Variants in THRB observed in about 807,000 individuals in gnomAD.
The protein encoded by THRB is thyroid hormone receptor beta, also known as nuclear receptor subfamily 1 group A member 2.
In THRB, 12 loss-of-function variants were observed where a neutral mutation model predicts 47.8. The ratio of observed to expected loss-of-function variants is 0.25; its 90% CI spans 0.16 to 0.41. THRB has a LOEUF of 0.41. THRB is among the 10% of genes least tolerant of loss of function. THRB has a pLI of 1.00. For synonymous variants in THRB, 218 were observed against 212.2 expected (o/e 1.03, Z -0.24); for missense variants, 348 against 589.2 (o/e 0.59, Z 4.24).
intron 1 of THRB, among the ~76,000 whole-genome samples, chr3:24,438,985 G>C (rs1164820419): frequency 6.6e-6 from 1 of 152,132 alleles, no homozygotes; most frequent in Non-Finnish European, 1.5e-5. Context: ...GGGAGGGCAG[G>C]GGAAAAGACA....
rs1196595789 is a variant in THRB at position 24,121,179 on chromosome 3, G to C, written c.*1705C>G. Reference sequence around the variant, plus strand: ...TTCAGACAATATTAAGGGCAGGAAGGGTTTTAGAGATCATGACTTATTCAC... The same window carrying C: ...TTCAGACAATATTAAGGGCAGGAAGCGTTTTAGAGATCATGACTTATTCAC... On this transcript the variant is annotated 3_prime_UTR_variant, in exon 11 of 11. Coordinates refer to ENST00000646209, the MANE Select transcript of THRB (RefSeq NM_001354712.2). The C allele has an allele frequency of 6.6e-6, 1 of 152,186 alleles. No individual in the cohort carries two copies. The highest frequency in any genetic ancestry group is 1.5e-5 in the Non-Finnish European group (1 of 68,000). 9.4% of individuals were successfully genotyped at this position (152,186 alleles called of 1,614,324 possible).
rs115423679 is a variant in THRB, at chr3:24,241,915, C to A, written c.-42-12914G>T. On this transcript the variant is annotated intron_variant, in intron 3 of 10. Coordinates refer to ENST00000646209, the MANE Select transcript of THRB (RefSeq NM_001354712.2). ...TTTATAGTATTGGTGCACTCCCCTG[C>A]CCATCGCCACAAATTAGAAGGTCTT... is the stretch of plus-strand genomic sequence containing the variant. Among the ~76,000 whole-genome samples the A allele has an allele frequency of 3.9e-3, 599 of 152,206 alleles. 2 individuals are homozygous for A. Among genetic ancestry groups the A allele is most frequent in the African/African-American group, 0.014 (563 of 41,532 alleles).
At position 24,305,557 on chromosome 3, in the gene THRB, G is replaced by A. The variant is rs185789600; in HGVS notation, c.-188-8186C>T. Among the ~76,000 whole-genome samples, 9 of 152,214 alleles carry A rather than the reference G, an allele frequency of 5.9e-5. No homozygotes were observed. The East Asian group carries it at 1.7e-3, about 29-fold the overall frequency. ...TTGATCCAAAACTAATTTAGACATG[G>A]CCATTTGCATACTGCATTCTCATTA... is the stretch of plus-strand genomic sequence containing the variant. On this transcript the variant is annotated intron_variant, in intron 2 of 10. Coordinates refer to ENST00000646209, the MANE Select transcript of THRB (RefSeq NM_001354712.2).
At chr3:24,179,065 C>A (rs1450762852) in intron 5 of THRB, among the ~76,000 whole-genome samples, 1 of 152,138 alleles carries the variant, frequency 6.6e-6, no homozygotes, top group Non-Finnish European at 1.5e-5. Flanking sequence ...TGGCCTGGAT[C>A]CCAGACCGGA....
At chr3:24,408,798 C>T (rs1469227738) in intron 1 of THRB, among the ~76,000 whole-genome samples, 1 of 151,582 alleles carries the variant, frequency 6.6e-6, no homozygotes, top group Non-Finnish European at 1.5e-5. Context: ...CTTTATAACA[C>T]AGTTCAAATC....
chr3:24,485,019 G>T (rs1286207295), intron 1 of THRB, among the ~76,000 whole-genome samples: 2 of 151,990 alleles, frequency 1.3e-5, no homozygotes, highest in Admixed American at 6.6e-5. Context: ...GATCATTAAA[G>T]AAATAAAATC....
At chr3:24,415,003 C>T (rs866745337) in intron 1 of THRB, among the ~76,000 whole-genome samples, 12 of 151,876 alleles carry the variant, frequency 7.9e-5, no homozygotes, top group Non-Finnish European at 1.0e-4. Flanking sequence ...CAAGTTTCTG[C>T]ACATCTTGTG....
At chr3:24,372,115 A>T (rs940497230) in intron 1 of THRB, among the ~76,000 whole-genome samples, 33 of 152,090 alleles carry the variant, frequency 2.2e-4, no homozygotes, top group African/African-American at 8.0e-4. Flanking sequence ...TGTCTTCCAT[A>T]TTTAATACAT....
At chr3:24,186,782 C>T (rs2042627941) in intron 5 of THRB, among the ~76,000 whole-genome samples, 2 of 151,836 alleles carry the variant, frequency 1.3e-5, no homozygotes, top group Non-Finnish European at 2.9e-5. Flanking sequence ...CCTGTCTCTA[C>T]TAAAAATACA....
At chr3:24,422,813 T>C (rs2069394858) in intron 1 of THRB, among the ~76,000 whole-genome samples, 1 of 151,838 alleles carries the variant, frequency 6.6e-6, no homozygotes, top group Non-Finnish European at 1.5e-5. Flanking sequence ...CCATCAATTT[T>C]TTCCTTCCCT....
intron 2 of THRB, among the ~76,000 whole-genome samples, chr3:24,298,973 C>A (rs549715184): frequency 6.6e-6 from 1 of 151,790 alleles, no homozygotes; most frequent in Non-Finnish European, 1.5e-5. Flanking sequence ...TCAGGCCGGG[C>A]GCGGTGGCTC....
intron 1 of THRB, among the ~76,000 whole-genome samples, chr3:24,360,521 C>T (rs1482392043): frequency 6.6e-6 from 1 of 152,156 alleles, no homozygotes; most frequent in African/African-American, 2.4e-5. Flanking sequence ...ACACTGGAAT[C>T]CCATGGAGAA....
intron 1 of THRB, among the ~76,000 whole-genome samples, chr3:24,434,304 T>A (rs2070730796): frequency 6.6e-6 from 1 of 152,174 alleles, no homozygotes; most frequent in South Asian, 2.1e-4. Flanking sequence ...TTCAAGGCAG[T>A]TGCTTTCAAG....
intron 10 of THRB, among the ~76,000 whole-genome samples, chr3:24,123,362 G>T (rs1377463539): frequency 6.6e-6 from 1 of 152,182 alleles, no homozygotes; most frequent in Non-Finnish European, 1.5e-5. Context: ...AGACAGTTTA[G>T]CTTGAGTGTG....
chr3:24,217,914 C>A (rs2046739932), intron 4 of THRB, among the ~76,000 whole-genome samples: 2 of 152,194 alleles, frequency 1.3e-5, no homozygotes, highest in African/African-American at 4.8e-5. Flanking sequence ...AAACTATCTA[C>A]TTCCTTTTGC....
intron 1 of THRB, among the ~76,000 whole-genome samples, chr3:24,485,437 C>G (rs1697148529): frequency 6.6e-6 from 1 of 152,192 alleles, no homozygotes; most frequent in African/African-American, 2.4e-5. Flanking sequence ...ACTGCCTCAG[C>G]TCCAGCAGGC....
In THRB at chr3:24,134,702, C is replaced by T. The variant is rs13078388; in HGVS notation, c.739-1240G>A. On this transcript the variant is annotated intron_variant, in intron 8 of 10. Transcript: ENST00000646209. ...CTCTGAACACCCTCCTAGCCAGCCTCTCCAGCTGTCTCCCAGAAAGATGTG... is the reference window on the plus strand; with the variant it reads ...CTCTGAACACCCTCCTAGCCAGCCTTTCCAGCTGTCTCCCAGAAAGATGTG... 1.4e-4 allele frequency among the ~76,000 whole-genome samples: 22 copies of T among 152,304 alleles called. No individual in the cohort carries two copies. The East Asian group carries it at 3.5e-3, about 24-fold the overall frequency.
intron 5 of THRB, among the ~76,000 whole-genome samples, chr3:24,181,469 C>A (rs528595231): frequency 1.3e-5 from 2 of 152,210 alleles, no homozygotes; most frequent in South Asian, 2.1e-4. Context: ...CCCTAAGATA[C>A]GATGCAGCAG....
chr3:24,178,118 T>C (rs2041414651), intron 5 of THRB, among the ~76,000 whole-genome samples: 1 of 152,160 alleles, frequency 6.6e-6, no homozygotes, highest in Non-Finnish European at 1.5e-5. Context: ...TAGCTGCTTA[T>C]TAGAGGACTT....
Sources: allele counts gnomAD v4.1 joint callset (sites outside exome capture counted in the v4.1 genomes callset), GRCh38; gene constraint gnomAD v4.1.1; transcripts MANE v1.5; gene names NCBI Gene and HGNC (gene_info 2026-07-23, HGNC 2026-07-21).